HUWE1: variants seen among roughly 807,000 people sequenced by gnomAD.
HUWE1 encodes the protein E3 ubiquitin-protein ligase HUWE1.
Under a neutral mutation model 299.4 loss-of-function variants are expected in HUWE1, and 18 were observed. That is an observed-to-expected ratio of 0.06 (90% CI 0.04 to 0.09). The LOEUF (loss-of-function observed/expected upper bound fraction) is 0.09. Among genes scored for constraint, HUWE1 ranks in the 10% least tolerant of loss-of-function variants. HUWE1 has a pLI of 1.00. For missense variants in HUWE1, 1,832 were observed against 3,462.3 expected, an observed-to-expected ratio of 0.53 and a Z score of 11.82; for synonymous variants, 1,317 against 1,286.1, an observed-to-expected ratio of 1.02 and a Z score of -0.51.
At chrX:53,663,167 A>T (rs1405016547) in intron 3 of HUWE1, among the ~76,000 whole-genome samples, 2 of 112,446 alleles carry the variant, frequency 1.8e-5, no homozygotes, top group Admixed American at 1.9e-4. Flanking sequence ...GACTAGAGTC[A>T]GGGAATCAAT....
Position 53,631,417 on chromosome X carries a change from C to T in HUWE1, c.759G>A (p.Lys253=). Residue 253 remains lysine, a synonymous_variant, in exon 11 of 84, where the codon AAG becomes AAA. Transcript: ENST00000262854. The part of the protein sequence containing the change: ...LTKMYSIPKD[K]QMLLFTHIRL... The stretch of plus-strand genomic sequence containing the variant: ...ATGTTTTAAAGCCACATCATACCTG[C>T]TTATCCTTAGGAATGCTGTACATTT... 1 of 1,194,648 alleles carries T rather than the reference C, an allele frequency of 8.4e-7. No individual in the cohort carries two copies.
In HUWE1 at chrX:53,624,506, T is replaced by C. The variant is rs782090424; in HGVS notation, c.1672+89A>G. The C allele has an allele frequency of 4.4e-5, 28 of 633,820 alleles. No homozygotes were observed. The African/African-American group carries it at 4.7e-4, about 11-fold the overall frequency. 52.2% of individuals were successfully genotyped at this position (633,820 alleles called of 1,213,427 possible). A position where few individuals can be genotyped will look rare whatever the true frequency, so the allele number is the denominator to read the frequency against. ...AGTGAGACTCTGTCTCAAAAATAAA[T>C]AAGTAAATAAGTAAGTAAGTAAATA... is the stretch of plus-strand genomic sequence containing the variant. On this transcript the variant is annotated intron_variant, in intron 19 of 83. Coordinates refer to ENST00000262854, the MANE Select transcript of HUWE1 (RefSeq NM_031407.7).
intron 48 of HUWE1, 133 bp from the exon 49 acceptor site, chrX:53,569,007 G>T: frequency 1.9e-6 from 1 of 526,582 alleles, no homozygotes; most frequent in East Asian, 3.7e-5. Flanking sequence ...AAACAAACAG[G>T]TGAGAACACA....
intron 6 of HUWE1, among the ~76,000 whole-genome samples, chrX:53,647,016 G>A (rs983071916): frequency 9.0e-6 from 1 of 111,725 alleles, no homozygotes; most frequent in Non-Finnish European, 1.9e-5. Flanking sequence ...AATGTGATGA[G>A]AAAATCAAAC....
intron 17 of HUWE1, chrX:53,625,808 G>GGA (rs2066443363): frequency 8.1e-6 from 1 of 123,997 alleles, no homozygotes; most frequent in Non-Finnish European, 1.8e-5. Context: ...CAGGGCCAGG[G>GGA]CCGGGGCCAG....
At chrX:53,681,726 CAG>C (rs1160324471) in intron 2 of HUWE1, among the ~76,000 whole-genome samples, 2 of 112,189 alleles carry the variant, frequency 1.8e-5, no homozygotes, top group East Asian at 5.6e-4. Context: ...AACTAGCTAA[CAG>C]AAGTTCCTTT....
rs782190333 is a variant in HUWE1 at position 53,628,612 on chromosome X, T to C, written c.1123A>G (p.Met375Val). 1.7e-6 allele frequency: 2 copies of C among 1,174,360 alleles called. No homozygotes were observed. Among genetic ancestry groups the C allele is most frequent in the Non-Finnish European group, 2.3e-6 (2 of 876,263 alleles). ...GCAAACTGGTGAGGGTATGGATCCA[T>C]GGAAGGATCTACAAGGGAGGTGGGG... ...NCIQAMIDPS[M>V]DPYPHQFATA... Residue 375 changes from methionine to valine, a missense_variant, in exon 15 of 84, where the codon ATG (methionine) becomes GTG (valine). Coordinates refer to ENST00000262854, the MANE Select transcript of HUWE1 (RefSeq NM_031407.7).
At chrX:53,584,437 C>T (rs1011879630) in intron 40 of HUWE1, 92 bp from the exon 41 acceptor site, 10 of 758,382 alleles carry the variant, frequency 1.3e-5, no homozygotes, top group Non-Finnish European at 1.8e-5. Context: ...TAAAATGCTA[C>T]AACAGGAAGG....
At chrX:53,619,977 G>C (rs959672512) in intron 19 of HUWE1, among the ~76,000 whole-genome samples, 14 of 111,736 alleles carry the variant, frequency 1.3e-4, no homozygotes. Context: ...CATACCAGAG[G>C]TAAACACTCC....
At chrX:53,647,346 C>T in intron 6 of HUWE1, 22 bp downstream of exon 6, 2 of 1,114,488 alleles carry the variant, frequency 1.8e-6, no homozygotes, top group Non-Finnish European at 2.5e-6. Context: ...GAACAGGGTA[C>T]ACAGGCTTTA....
intron 43 of HUWE1, among the ~76,000 whole-genome samples, chrX:53,577,534 C>T (rs1190242738): frequency 9.9e-6 from 1 of 100,752 alleles, no homozygotes; most frequent in Admixed American, 1.1e-4. Flanking sequence ...TCCCTCTCCC[C>T]ACGGTCTCCT....
chrX:53,604,143 G>T (rs2065034522), intron 26 of HUWE1, among the ~76,000 whole-genome samples: 1 of 111,932 alleles, frequency 8.9e-6, no homozygotes, highest in South Asian at 3.7e-4. Context: ...TAGTAAAACT[G>T]TGAGGACATA....
intron 55 of HUWE1, among the ~76,000 whole-genome samples, chrX:53,560,785 A>T (rs2062247943): frequency 9.0e-6 from 1 of 111,660 alleles, no homozygotes; most frequent in African/African-American, 3.3e-5. Context: ...GTGAAGCCTG[A>T]CTTCCACAGA....
At chrX:53,554,173 T>C (rs2061892360) in intron 61 of HUWE1, among the ~76,000 whole-genome samples, 3 of 111,418 alleles carry the variant, frequency 2.7e-5, no homozygotes, top group Admixed American at 1.9e-4. Context: ...GGGCTAATTA[T>C]TTCATTTCTG....
chrX:53,651,593 T>C (rs1194902780), intron 4 of HUWE1, among the ~76,000 whole-genome samples: 15 of 111,850 alleles, frequency 1.3e-4, no homozygotes, highest in African/African-American at 4.6e-4. Context: ...ATTTTTACTT[T>C]TGTATTGTTC....
intron 74 of HUWE1, among the ~76,000 whole-genome samples, chrX:53,541,443 A>T (rs2147048294): frequency 9.0e-6 from 1 of 111,015 alleles, no homozygotes; most frequent in South Asian, 3.8e-4. Context: ...CAAAAAAAAA[A>T]ATTAGCCAGG....
intron 29 of HUWE1, among the ~76,000 whole-genome samples, chrX:53,598,213 G>C (rs1569481499): frequency 8.9e-6 from 1 of 111,997 alleles, no homozygotes; most frequent in Non-Finnish European, 1.9e-5. Context: ...CAATCTGGCA[G>C]AGGGTTCTGA....
intron 23 of HUWE1, among the ~76,000 whole-genome samples, chrX:53,611,854 T>C (rs1261189903): frequency 4.9e-5 from 5 of 102,591 alleles, no homozygotes; most frequent in Admixed American, 2.1e-4. Flanking sequence ...TGAGACTCTG[T>C]CTCAAAAAAA....
intron 76 of HUWE1, 25 bp downstream of exon 76, chrX:53,538,810 C>A: frequency 8.4e-7 from 1 of 1,194,884 alleles, no homozygotes; most frequent in Non-Finnish European, 1.1e-6. Context: ...CCTTCTACAC[C>A]TGGCAGCCTA....
Sources: allele counts gnomAD v4.1 joint callset (sites outside exome capture counted in the v4.1 genomes callset), GRCh38; gene constraint gnomAD v4.1.1; transcripts MANE v1.5; gene names NCBI Gene and HGNC (gene_info 2026-07-23, HGNC 2026-07-21).